Variants in AHCTF1 observed in about 807,000 individuals in gnomAD.
The protein encoded by AHCTF1 is protein ELYS.
In AHCTF1, 24 loss-of-function variants were observed where a neutral mutation model predicts 248.4. The observed-to-expected ratio is 0.10, with a 90% CI of 0.07 to 0.14. AHCTF1 has a LOEUF of 0.14. Ranked by LOEUF, AHCTF1 falls within the 10% of genes least tolerant of loss-of-function variation. The probability of loss-of-function intolerance (pLI) is 1.00; values close to 1 mark genes in which losing one functional copy is unlikely to be tolerated. For missense variants in AHCTF1, 2,206 were observed against 2,636.2 expected, an observed-to-expected ratio of 0.84 and a Z score of 3.57; for synonymous variants, 786 against 929.8, an observed-to-expected ratio of 0.85 and a Z score of 2.81.
chr1:246,869,101 C>T (rs917034572), intron 24 of AHCTF1, among the ~76,000 whole-genome samples: 6 of 151,156 alleles, frequency 4.0e-5, no homozygotes, highest in African/African-American at 1.5e-4. Flanking sequence ...GCCTTGGCCT[C>T]CCAAAGTGCT....
chr1:246,922,757 C>A (rs564753383), intron 1 of AHCTF1, among the ~76,000 whole-genome samples: 14 of 150,956 alleles, frequency 9.3e-5, no homozygotes, highest in South Asian at 6.3e-4. Context: ...CCAAGGAGGG[C>A]GGATCACGAG....
At position 246,840,069 on chromosome 1, in the gene AHCTF1, ATTTAT is replaced by A. The variant is rs1659747839; in HGVS notation, c.*732_*736del. The A allele has an allele frequency of 6.6e-6, 1 of 152,620 alleles. No individual in the cohort carries two copies. The highest frequency in any genetic ancestry group is 2.4e-5 in the African/African-American group (1 of 41,460). The allele number at this position is 152,620 out of a possible 1,614,324, so 9.5% of individuals were successfully genotyped here. A position where few individuals can be genotyped will look rare whatever the true frequency, so the allele number is the denominator to read the frequency against. On this transcript the variant is annotated 3_prime_UTR_variant, in exon 36 of 36. Transcript: ENST00000648844. ...AGATGCACTCAATATCCATAAACAG[ATTTAT>A]TTTACATTTCCCTTTGTCAAACCCT... is the stretch of plus-strand genomic sequence containing the variant.
chr1:246,842,815 C>A, intron 34 of AHCTF1, 39 bp from the exon 35 acceptor site: 1 of 1,543,616 alleles, frequency 6.5e-7, no homozygotes, highest in Non-Finnish European at 8.9e-7. Context: ...GTATTAAACA[C>A]GAATCCAATT....
Position 246,849,620 on chromosome 1 carries a change from G to C in AHCTF1, c.6386C>G (p.Ala2129Gly), listed in dbSNP as rs1660543629. 1 of 1,602,112 alleles carries C rather than the reference G, an allele frequency of 6.2e-7. No individual in the cohort carries two copies. Residue 2129 changes from alanine (A) to glycine (G), a missense_variant, in exon 33 of 36, where the codon GCA (alanine) becomes GGA (glycine). Ala to Gly is a moderately conservative substitution (Grantham distance 60, BLOSUM62 0). Coordinates refer to ENST00000648844, the MANE Select transcript of AHCTF1 (RefSeq NM_001323342.2). ...FSPASEVPRK[A>G]KAKKIEVPAQ... ...TTGCAGAGAAAGAAAAGTACCTTTT[G>C]CTTTCCTTGGAACTTCTGACGCTGG...
At chr1:246,902,228 T>C (rs1665054109) in intron 8 of AHCTF1, among the ~76,000 whole-genome samples, 1 of 152,082 alleles carries the variant, frequency 6.6e-6, no homozygotes, top group African/African-American at 2.4e-5. Context: ...GCTCAAAAAA[T>C]ACACGGGTAA....
chr1:246,887,956 C>T (rs1663943930), intron 19 of AHCTF1, among the ~76,000 whole-genome samples: 2 of 152,258 alleles, frequency 1.3e-5, no homozygotes, highest in African/African-American at 2.4e-5. Flanking sequence ...AAGCCAAGTA[C>T]CCTATACCTA....
chr1:246,859,024 T>C (rs1420572895), intron 29 of AHCTF1, among the ~76,000 whole-genome samples: 2 of 152,066 alleles, frequency 1.3e-5, no homozygotes, highest in African/African-American at 2.4e-5. Flanking sequence ...GGAGCTGAAA[T>C]AGCCCCACTG....
rs12023791 is a variant in AHCTF1, at chr1:246,892,926, C to T, written c.1805-1007G>A. Among the ~76,000 whole-genome samples, 339 of 152,242 alleles carry T rather than the reference C, an allele frequency of 2.2e-3. 2 individuals are homozygous for T. Among genetic ancestry groups the T allele is most frequent in the African/African-American group, 7.5e-3 (313 of 41,540 alleles). ...CTCCTAAAGTACTGGGATTACAAGCCTGAGCCACCACACCTAATCTCTAAT... is the reference window on the plus strand; with the variant it reads ...CTCCTAAAGTACTGGGATTACAAGCTTGAGCCACCACACCTAATCTCTAAT... On this transcript the variant is annotated intron_variant, in intron 14 of 35. Transcript: ENST00000648844.
At chr1:246,912,025 C>G (rs1293180236) in intron 4 of AHCTF1, among the ~76,000 whole-genome samples, 1 of 152,006 alleles carries the variant, frequency 6.6e-6, no homozygotes, top group Non-Finnish European at 1.5e-5. Context: ...CCTCCCCTCC[C>G]GCTTCCACCA....
rs1661512546 is a variant in AHCTF1, at chr1:246,861,103, C to T, written c.3928G>A (p.Val1310Ile). 1 of 1,614,064 alleles carries T rather than the reference C, an allele frequency of 6.2e-7. No homozygotes were observed. Among genetic ancestry groups the T allele is most frequent in the Non-Finnish European group, 8.5e-7 (1 of 1,180,026 alleles). The part of the protein sequence containing the change: ...KLDVSKGNSS[V>I]SITSDETTLE... ...GTAGTCTCATCGGATGTGATTGAAACACTGCTGTTTCCTTTGCTCACATCC... is the reference window on the plus strand; with the variant it reads ...GTAGTCTCATCGGATGTGATTGAAATACTGCTGTTTCCTTTGCTCACATCC... Residue 1310 changes from valine (V) to isoleucine (I), a missense_variant, in exon 29 of 36, where the codon GTT (valine) becomes ATT (isoleucine). Around this residue, in one of 6 missense-constraint regions of AHCTF1, gnomAD observed 955 missense variants for 1,055.6 expected, o/e 0.90. Coordinates refer to ENST00000648844, the MANE Select transcript of AHCTF1 (RefSeq NM_001323342.2).
intron 1 of AHCTF1, among the ~76,000 whole-genome samples, chr1:246,920,323 A>C (rs1483228283): frequency 6.6e-6 from 1 of 152,114 alleles, no homozygotes; most frequent in Admixed American, 6.6e-5. Context: ...CTTGATAAGA[A>C]ACTGTAAATG....
intron 31 of AHCTF1, among the ~76,000 whole-genome samples, chr1:246,855,454 C>T (rs1008717419): frequency 1.3e-5 from 2 of 152,166 alleles, no homozygotes; most frequent in African/African-American, 4.8e-5. Flanking sequence ...TCTTCTGAGT[C>T]CAAGAAGATC....
At chr1:246,893,727 T>C (rs754869890) in intron 14 of AHCTF1, among the ~76,000 whole-genome samples, 29 of 152,224 alleles carry the variant, frequency 1.9e-4, no homozygotes, top group Non-Finnish European at 3.5e-4. Context: ...ATATGTTAAA[T>C]AGAAAGTGAG....
At chr1:246,900,027 T>C (rs763143098) in intron 10 of AHCTF1, 38 bp downstream of exon 10, 2 of 1,548,672 alleles carry the variant, frequency 1.3e-6, no homozygotes, top group Non-Finnish European at 1.8e-6. Context: ...CTTTTGTGCA[T>C]TACTTTTCTT....
rs750981675 is a variant in AHCTF1 at position 246,862,157 on chromosome 1, T to C, written c.3541-4A>G. On this transcript the variant is annotated splice_polypyrimidine_tract_variant and splice_region_variant and intron_variant, in intron 27 of 35. Transcript: ENST00000648844. ...ACATGGCCAAACTTTTAGCTTTCTA[T>C]AGTAAAGAGCAAATGGAATTACACC... 10 of 1,607,368 alleles carry C rather than the reference T, an allele frequency of 6.2e-6. No homozygotes were observed. The highest frequency in any genetic ancestry group is 2.2e-5 in the East Asian group (1 of 44,804).
At position 246,839,391 on chromosome 1, in the gene AHCTF1, T is replaced by C. The variant is rs1304459128; in HGVS notation, c.*1415A>G. The C allele has an allele frequency of 3.1e-5, 8 of 259,264 alleles. No homozygotes were observed. Among genetic ancestry groups the C allele is most frequent in the Non-Finnish European group, 4.2e-5 (7 of 166,298 alleles). 16.1% of individuals were successfully genotyped at this position (259,264 alleles called of 1,614,324 possible). On this transcript the variant is annotated 3_prime_UTR_variant, in exon 36 of 36. Coordinates refer to ENST00000648844, the MANE Select transcript of AHCTF1 (RefSeq NM_001323342.2). ...GAATTATGTTTAGCTCTTTATTCAT[T>C]TAACAAGTTCATTTAAATAAGTTCA...
intron 1 of AHCTF1, among the ~76,000 whole-genome samples, chr1:246,930,712 C>G (rs1558291731): frequency 6.6e-6 from 1 of 152,098 alleles, no homozygotes; most frequent in Non-Finnish European, 1.5e-5. Context: ...TGCGCCCAGC[C>G]AAAGACAGTT....
At position 246,864,019 on chromosome 1, in the gene AHCTF1, G is replaced by A. The variant is rs142338484; in HGVS notation, c.3445C>T (p.Arg1149Cys). Residue 1149 changes from arginine (R) to cysteine (C), a missense_variant, in exon 27 of 36, where the codon CGT (arginine) becomes TGT (cysteine). Arg to Cys is a radical substitution (Grantham distance 180). Around this residue, in one of 6 missense-constraint regions of AHCTF1, gnomAD observed 955 missense variants for 1,055.6 expected, o/e 0.90. Transcript: ENST00000648844. ...AATTGCGAACTTGAGGGCAGTGAAC[G>A]GGATACTAGGTACAAAGGAGATTTC... ...SMKSPLYLVS[R>C]SLPSSSQLKG... 725 of 1,613,970 alleles carry A rather than the reference G, an allele frequency of 4.5e-4. No homozygotes were observed. Among genetic ancestry groups the A allele is most frequent in the Non-Finnish European group, 5.6e-4 (666 of 1,180,002 alleles).
At position 246,861,947 on chromosome 1, in the gene AHCTF1, T is replaced by C. The variant is rs546951819; in HGVS notation, c.3735+12A>G. On this transcript the variant is annotated intron_variant, in intron 28 of 35. Coordinates refer to ENST00000648844, the MANE Select transcript of AHCTF1 (RefSeq NM_001323342.2). The stretch of plus-strand genomic sequence containing the variant: ...AAAAAATGTCTTTTCTCCCAATTAT[T>C]ATCAAACTTACCCCAGGAATCCATT... The C allele has an allele frequency of 6.2e-7, 1 of 1,601,018 alleles. No homozygotes were observed. The highest frequency in any genetic ancestry group is 1.3e-5 in the African/African-American group (1 of 74,386).
Sources: gnomAD v4.1 joint callset for allele counts (sites outside exome capture counted in the v4.1 genomes callset) on GRCh38, gnomAD v4.1.1 for gene constraint, gnomAD v4.1.1 regional missense constraint, MANE v1.5 for transcripts, NCBI Gene and HGNC (gene_info 2026-07-23, HGNC 2026-07-21) for gene names.